Variants in NFX1 observed in about 807,000 individuals in gnomAD.
NFX1 encodes nuclear transcription factor, X-box binding 1.
A neutral mutation model predicts 137.2 loss-of-function variants in NFX1; 69 were observed. The observed-to-expected ratio is 0.50, with a 90% confidence interval of 0.41 to 0.61. NFX1 has a LOEUF of 0.61. Ranked by LOEUF, NFX1 falls within the 20% of genes least tolerant of loss-of-function variation. The pLI, the probability that NFX1 is intolerant of heterozygous loss-of-function variation, is 0.00. For missense variants in NFX1, 1,167 were observed against 1,391.0 expected, an observed-to-expected ratio of 0.84 and a Z score of 2.56; for synonymous variants, 495 against 474.1, an observed-to-expected ratio of 1.04 and a Z score of -0.57.
In NFX1 at chr9:33,295,057, A is replaced by G; in HGVS notation, c.663A>G (p.Ala221=). The G allele has an allele frequency of 1.9e-6, 3 of 1,614,176 alleles. No individual in the cohort carries two copies. The highest frequency in any genetic ancestry group is 2.5e-6 in the Non-Finnish European group (3 of 1,180,032). Residue 221 remains alanine (A), a synonymous_variant, in exon 2 of 24, where the codon GCA becomes GCG. Transcript: ENST00000379540. ...TTTTCCACCCTGACTCTTCAGAGGC[A>G]TCCTCTAGAAAAGGAGTATTGGATG... ...VGVFHPDSSE[A]SSRKGVLDGY...
At position 33,352,710 on chromosome 9, in the gene NFX1, C is replaced by T. The variant is rs781590864; in HGVS notation, c.2720C>T (p.Thr907Ile). Residue 907 changes from threonine (T) to isoleucine (I), a missense_variant, in exon 17 of 24, where the codon ACT becomes ATT. Around this residue, in one of 3 missense-constraint regions of NFX1, gnomAD observed 312 missense variants for 312.8 expected, o/e 1.00. Coordinates refer to ENST00000379540, the MANE Select transcript of NFX1 (RefSeq NM_002504.6). Reference sequence around the variant, plus strand: ...GTGATTTGCTCTGAAGCATCTAGTACTTATCAAAGGTTAGTGTTACTTAAA... The same window carrying T: ...GTGATTTGCTCTGAAGCATCTAGTATTTATCAAAGGTTAGTGTTACTTAAA... ...EMVICSEASS[T>I]YQRIAAISMA... 3.7e-6 allele frequency: 6 copies of T among 1,613,452 alleles called. No homozygotes were observed. The South Asian group carries it at 4.4e-5, about 12-fold the overall frequency.
chr9:33,363,326 C>G (rs1360390030), intron 19 of NFX1, among the ~76,000 whole-genome samples: 1 of 149,738 alleles, frequency 6.7e-6, no homozygotes, highest in African/African-American at 2.5e-5. Context: ...ACTGTGTTGC[C>G]CAGGCTGGAG....
intron 4 of NFX1, among the ~76,000 whole-genome samples, chr9:33,303,717 C>T (rs1224725864): frequency 6.6e-6 from 1 of 152,162 alleles, no homozygotes; most frequent in African/African-American, 2.4e-5. Context: ...CTGGCATCTT[C>T]CCTCTTTATG....
intron 10 of NFX1, among the ~76,000 whole-genome samples, chr9:33,330,954 G>A (rs1476242732): frequency 8.5e-5 from 13 of 152,054 alleles, no homozygotes; most frequent in Admixed American, 6.6e-4. Flanking sequence ...TGAGGTGGGC[G>A]GATCATGAGG....
chr9:33,354,006 G>A, intron 17 of NFX1, 80 bp from the exon 18 acceptor site: 1 of 1,325,762 alleles, frequency 7.5e-7, no homozygotes, highest in Non-Finnish European at 1.0e-6. Context: ...TGCTTTTAAA[G>A]AGGTCTTCTG....
At chr9:33,339,306 A>G (rs1256697233) in intron 12 of NFX1, among the ~76,000 whole-genome samples, 1 of 152,214 alleles carries the variant, frequency 6.6e-6, no homozygotes, top group Non-Finnish European at 1.5e-5. Context: ...AAGGCAAGGA[A>G]GAGCAAGTCA....
At chr9:33,352,960 G>C in intron 17 of NFX1, 1 of 395,458 alleles carries the variant, frequency 2.5e-6, no homozygotes, top group Non-Finnish European at 4.6e-6. Flanking sequence ...ATTGAGAGGG[G>C]TCTCGCCCTG....
intron 21 of NFX1, 75 bp from the exon 22 acceptor site, chr9:33,366,554 G>T: frequency 6.4e-7 from 1 of 1,550,554 alleles, no homozygotes; most frequent in South Asian, 1.1e-5. Context: ...TGCAATTCTT[G>T]TGTGGTAAGA....
intron 2 of NFX1, among the ~76,000 whole-genome samples, chr9:33,297,733 G>A (rs1298596360): frequency 6.6e-6 from 1 of 152,164 alleles, no homozygotes; most frequent in Non-Finnish European, 1.5e-5. Context: ...GTGTTTCCCT[G>A]CCACATGACT....
Position 33,365,969 on chromosome 9 carries a change from A to T in NFX1, c.3040-660A>T, listed in dbSNP as rs903144527. On this transcript the variant is annotated intron_variant, in intron 21 of 23. Coordinates refer to ENST00000379540, the MANE Select transcript of NFX1 (RefSeq NM_002504.6). Reference sequence around the variant, plus strand: ...GTCTTGAGTTTAGTCAGAAGCCCCCAGCGCTGCATTGGCTTCCTCCCCCTT... The same window carrying T: ...GTCTTGAGTTTAGTCAGAAGCCCCCTGCGCTGCATTGGCTTCCTCCCCCTT... 1.3e-5 allele frequency: 2 copies of T among 152,210 alleles called. 1 individual carries two copies. The highest frequency in any genetic ancestry group is 1.3e-4 in the Admixed American group (2 of 15,288). The allele number at this position is 152,210 out of a possible 1,614,324, so 9.4% of individuals were successfully genotyped here.
At chr9:33,334,729 A>G (rs1564128870) in intron 11 of NFX1, among the ~76,000 whole-genome samples, 1 of 152,314 alleles carries the variant, frequency 6.6e-6, no homozygotes, top group East Asian at 1.9e-4. Context: ...CCATGTCAGT[A>G]TGCATAACTC....
At chr9:33,354,332 C>T (rs1469218853) in intron 18 of NFX1, 145 bp downstream of exon 18, 2 of 691,004 alleles carry the variant, frequency 2.9e-6, no homozygotes, top group Admixed American at 6.0e-5. Context: ...GTTGAGACAT[C>T]TGCTCCATCC....
rs566108971 is a variant in NFX1 at position 33,311,576 on chromosome 9, G to A, written c.1448+399G>A. Reference sequence around the variant, plus strand: ...ACAAGGATTTTTTTTTTTTTGAGACGGAGTCTCGGTCTGTCACCCATGCTG... The same window carrying A: ...ACAAGGATTTTTTTTTTTTTGAGACAGAGTCTCGGTCTGTCACCCATGCTG... On this transcript the variant is annotated intron_variant, in intron 6 of 23. Transcript: ENST00000379540. 8.0e-5 allele frequency among the ~76,000 whole-genome samples: 12 copies of A among 150,804 alleles called. No homozygotes were observed. The South Asian group carries it at 2.3e-3, about 29-fold the overall frequency.
Position 33,345,345 on chromosome 9 carries a change from T to C in NFX1, c.2344+1157T>C, listed in dbSNP as rs113545762. The stretch of plus-strand genomic sequence containing the variant: ...TACAAAACTTAGCCTGGCGTGGTGG[T>C]GGACGCCTGTAATCCCAGCTACTTG... On this transcript the variant is annotated intron_variant, in intron 14 of 23. Transcript: ENST00000379540. Among the ~76,000 whole-genome samples the C allele has an allele frequency of 5.7e-3, 857 of 150,094 alleles. 10 individuals are homozygous for C. Among genetic ancestry groups the C allele is most frequent in the African/African-American group, 0.02 (828 of 40,764 alleles).
In NFX1 at chr9:33,295,279, T is replaced by G. The variant is rs761131253; in HGVS notation, c.885T>G (p.Cys295Trp). 3.7e-6 allele frequency: 6 copies of G among 1,614,092 alleles called. No homozygotes were observed. The Admixed American group carries it at 8.3e-5, about 22-fold the overall frequency. ...DLNERPAKST[C>W]DSENLAVINK... Reference sequence around the variant, plus strand: ...ATGAAAGACCAGCAAAATCTACCTGTGACAGTGAGAACTTGGCAGTCATCA... The same window carrying G: ...ATGAAAGACCAGCAAAATCTACCTGGGACAGTGAGAACTTGGCAGTCATCA... Residue 295 changes from cysteine to tryptophan, a missense_variant, in exon 2 of 24, where the codon TGT becomes TGG. Around this residue, in one of 3 missense-constraint regions of NFX1, gnomAD observed 367 missense variants for 386.7 expected, o/e 0.95. Coordinates refer to ENST00000379540, the MANE Select transcript of NFX1 (RefSeq NM_002504.6).
At chr9:33,359,745 C>T (rs191330333) in intron 19 of NFX1, among the ~76,000 whole-genome samples, 122 of 152,294 alleles carry the variant, frequency 8.0e-4, no homozygotes, top group African/African-American at 2.7e-3. Flanking sequence ...AACTGACAAA[C>T]TTTCTGATTC....
Position 33,318,877 on chromosome 9 carries a change from C to T in NFX1, c.1689-33C>T, listed in dbSNP as rs114231070. The T allele has an allele frequency of 7.9e-4, 1,278 of 1,614,012 alleles. 8 individuals carry two copies. The African/African-American group carries it at 0.014, about 18-fold the overall frequency. On this transcript the variant is annotated intron_variant, in intron 8 of 23. Transcript: ENST00000379540. ...AGTTGAACTAAAGCTGCACTTTATG[C>T]AACAATTATGTAATAGTGTGTTTTC...
At chr9:33,349,873 G>C (rs1471127178) in intron 15 of NFX1, among the ~76,000 whole-genome samples, 1 of 152,096 alleles carries the variant, frequency 6.6e-6, no homozygotes. Flanking sequence ...GCTGGGTTTA[G>C]TGGCATGCCT....
intron 9 of NFX1, among the ~76,000 whole-genome samples, chr9:33,325,593 G>A (rs530141781): frequency 6.6e-6 from 1 of 152,300 alleles, no homozygotes; most frequent in South Asian, 2.1e-4. Context: ...GAACCCGGGA[G>A]GCGTAGCTTG....
Sources: allele counts gnomAD v4.1 joint callset (sites outside exome capture counted in the v4.1 genomes callset), GRCh38; gene constraint gnomAD v4.1.1; regional missense constraint gnomAD v4.1.1; transcripts MANE v1.5; gene names NCBI Gene and HGNC (gene_info 2026-07-23, HGNC 2026-07-21).